B4GALNT3: variants seen among roughly 807,000 people sequenced by gnomAD.
B4GALNT3 encodes beta-1,4-N-acetylgalactosaminyltransferase 3.
Under a neutral mutation model 120.2 loss-of-function variants are expected in B4GALNT3, and 86 were observed. The observed-to-expected ratio is 0.72, with a 90% CI of 0.60 to 0.86. The LOEUF (loss-of-function observed/expected upper bound fraction) is 0.86, where lower values mean the gene tolerates loss of function less well. Ranked by LOEUF, B4GALNT3 falls within the 40% of genes least tolerant of loss-of-function variation. The pLI is 0.00. For synonymous variants in B4GALNT3, 518 were observed against 510.4 expected, an observed-to-expected ratio of 1.01 and a Z score of -0.20; for missense variants, 1,167 against 1,298.9, an observed-to-expected ratio of 0.90 and a Z score of 1.56.
chr12:556,616 C>T lies in B4GALNT3; in HGVS notation c.2130C>T (p.Leu710=). ...ACCAGCTACGTGGGGGTCGCTACCT[C>T]CTGGAGCTTGAACTGTTGGAACAAG... ...RQDQLRGGRY[L]LELELLEQGQ... Residue 710 remains leucine (L), a synonymous_variant, in exon 15 of 20, where the codon CTC becomes CTT. Transcript: ENST00000266383. 1.9e-6 allele frequency: 3 copies of T among 1,614,056 alleles called. No individual in the cohort carries two copies. Among genetic ancestry groups the T allele is most frequent in the Non-Finnish European group, 2.5e-6 (3 of 1,180,044 alleles).
chr12:510,441 C>T (rs556714060), intron 1 of B4GALNT3, among the ~76,000 whole-genome samples: 9 of 113,550 alleles, frequency 7.9e-5, no homozygotes, highest in African/African-American at 1.8e-4. Flanking sequence ...GAGAGACACT[C>T]CATGGGGGGG....
At chr12:483,206 G>A (rs185533734) in intron 1 of B4GALNT3, among the ~76,000 whole-genome samples, 218 of 152,232 alleles carry the variant, frequency 1.4e-3, no homozygotes, top group Admixed American at 2.7e-3. Context: ...CAGGATGCAC[G>A]GTTGTAGGTG....
At chr12:507,315 T>C (rs934533298) in intron 1 of B4GALNT3, among the ~76,000 whole-genome samples, 3 of 152,240 alleles carry the variant, frequency 2.0e-5, no homozygotes, top group African/African-American at 7.2e-5. Context: ...TTAGTGTGTG[T>C]GGCCTTCCAC....
intron 1 of B4GALNT3, among the ~76,000 whole-genome samples, chr12:532,986 G>T (rs139099410): frequency 1.3e-5 from 2 of 152,210 alleles, no homozygotes; most frequent in Non-Finnish European, 2.9e-5. Flanking sequence ...GCAGCATTTC[G>T]TGGGTATTTC....
At chr12:484,146 G>T (rs561888917) in intron 1 of B4GALNT3, among the ~76,000 whole-genome samples, 1 of 152,270 alleles carries the variant, frequency 6.6e-6, no homozygotes, top group South Asian at 2.1e-4. Flanking sequence ...ATCGTTCCTT[G>T]ACCCCATCAG....
chr12:543,874 A>G (rs1382290736), intron 3 of B4GALNT3, among the ~76,000 whole-genome samples: 2 of 114,836 alleles, frequency 1.7e-5, no homozygotes, highest in Non-Finnish European at 3.6e-5. Flanking sequence ...TGGGGCGGGC[A>G]TGGGGTGCTC....
At chr12:536,964 A>T (rs1373383101) in intron 3 of B4GALNT3, among the ~76,000 whole-genome samples, 1 of 152,250 alleles carries the variant, frequency 6.6e-6, no homozygotes, top group Non-Finnish European at 1.5e-5. Context: ...TCCATTGTTA[A>T]ATAAGCTTTT....
intron 1 of B4GALNT3, among the ~76,000 whole-genome samples, chr12:489,346 C>T (rs1049801048): frequency 6.9e-6 from 1 of 144,096 alleles, no homozygotes; most frequent in African/African-American, 2.6e-5. Flanking sequence ...AAAAAACCCA[C>T]AAAATACAGA....
At chr12:497,049 G>C (rs541838942) in intron 1 of B4GALNT3, among the ~76,000 whole-genome samples, 105 of 152,260 alleles carry the variant, frequency 6.9e-4, no homozygotes, top group African/African-American at 2.3e-3. Context: ...TTCTCAGGCT[G>C]GTCTCAAACG....
chr12:554,013 G>C, intron 14 of B4GALNT3, 30 bp downstream of exon 14: 1 of 1,514,626 alleles, frequency 6.6e-7, no homozygotes, highest in Middle Eastern at 1.9e-4. Context: ...TGGGGCCAGG[G>C]ACTGGGGCAC....
At chr12:538,913 C>T (rs772314953) in intron 3 of B4GALNT3, among the ~76,000 whole-genome samples, 4 of 152,172 alleles carry the variant, frequency 2.6e-5, no homozygotes, top group Admixed American at 6.5e-5. Flanking sequence ...TAATACACAT[C>T]GTTTATTGAG....
intron 1 of B4GALNT3, among the ~76,000 whole-genome samples, chr12:468,356 T>C (rs1362075617): frequency 6.6e-6 from 1 of 152,174 alleles, no homozygotes; most frequent in African/African-American, 2.4e-5. Flanking sequence ...CCTGACCTTT[T>C]TGGGGGTCTT....
intron 1 of B4GALNT3, among the ~76,000 whole-genome samples, chr12:479,566 C>T (rs931851124): frequency 6.6e-6 from 1 of 152,130 alleles, no homozygotes; most frequent in Non-Finnish European, 1.5e-5. Flanking sequence ...CTTCTAAGGA[C>T]TCTCGATAAG....
chr12:485,684 G>A (rs778189944), intron 1 of B4GALNT3, among the ~76,000 whole-genome samples: 4 of 152,120 alleles, frequency 2.6e-5, no homozygotes, highest in South Asian at 2.1e-4. Context: ...CGACACTCAC[G>A]GAACTGTTCG....
chr12:542,689 G>A (rs1946931573), intron 3 of B4GALNT3, among the ~76,000 whole-genome samples: 1 of 152,204 alleles, frequency 6.6e-6, no homozygotes, highest in South Asian at 2.1e-4. Flanking sequence ...CCCTTTCTGG[G>A]GAAGGGAGCC....
intron 3 of B4GALNT3, among the ~76,000 whole-genome samples, chr12:540,812 C>T (rs914045780): frequency 2.0e-5 from 3 of 152,116 alleles, no homozygotes; most frequent in South Asian, 2.1e-4. Context: ...GGTCGGATCT[C>T]GGCTCACTGC....
chr12:513,553 G>T (rs542377034), intron 1 of B4GALNT3, among the ~76,000 whole-genome samples: 2 of 152,138 alleles, frequency 1.3e-5, no homozygotes, highest in Non-Finnish European at 2.9e-5. Flanking sequence ...GGTTTTAGCC[G>T]GCTTCTTTCC....
At chr12:547,545 C>G (rs1947023462) in intron 7 of B4GALNT3, among the ~76,000 whole-genome samples, 1 of 152,162 alleles carries the variant, frequency 6.6e-6, no homozygotes, top group Non-Finnish European at 1.5e-5. Flanking sequence ...CGCGTGCCAG[C>G]TGCCGTGGTG....
At chr12:549,365 G>T (rs1000004363) in intron 9 of B4GALNT3, among the ~76,000 whole-genome samples, 5 of 152,354 alleles carry the variant, frequency 3.3e-5, no homozygotes, top group African/African-American at 1.2e-4. Context: ...TAGTACAGAA[G>T]GCATGTGGTG....
Sources: allele counts gnomAD v4.1 joint callset (sites outside exome capture counted in the v4.1 genomes callset), GRCh38; gene constraint gnomAD v4.1.1; transcripts MANE v1.5; gene names NCBI Gene and HGNC (gene_info 2026-07-23, HGNC 2026-07-21).